PTPN11: variants seen among roughly 807,000 people sequenced by gnomAD.
PTPN11 encodes tyrosine-protein phosphatase non-receptor type 11.
A neutral mutation model predicts 78.8 loss-of-function variants in PTPN11; 6 were observed. The ratio of observed to expected loss-of-function variants is 0.08; its 90% CI spans 0.04 to 0.15. PTPN11 has a LOEUF of 0.15. Ranked by LOEUF, PTPN11 falls within the 10% of genes least tolerant of loss-of-function variation. The pLI is 1.00. For missense variants in PTPN11, 386 were observed against 744.8 expected, an observed-to-expected ratio of 0.52 and a Z score of 5.61; for synonymous variants, 221 against 263.5, an observed-to-expected ratio of 0.84 and a Z score of 1.56.
intron 10 of PTPN11, among the ~76,000 whole-genome samples, chr12:112,485,146 G>T (rs2038654253): frequency 6.6e-6 from 1 of 152,018 alleles, no homozygotes; most frequent in Admixed American, 6.6e-5. Context: ...CTACTCGGGA[G>T]TCGAGTCTGA....
chr12:112,424,010 C>G (rs922968728), intron 1 of PTPN11, among the ~76,000 whole-genome samples: 1 of 152,076 alleles, frequency 6.6e-6, no homozygotes. Context: ...CCTCGGCCTT[C>G]CAAAGTACTA....
rs533545376 is a variant in PTPN11, at chr12:112,443,778, T to C, written c.15-2498T>C. Among the ~76,000 whole-genome samples the C allele has an allele frequency of 5.3e-5, 8 of 151,436 alleles. No individual in the cohort carries two copies. The East Asian group carries it at 1.6e-3, about 29-fold the overall frequency. ...GGCGATCCTCCCACCTCAGCCTCCTTAGTAGCTGGGACTATAGGCACACAC... is the reference window on the plus strand; with the variant it reads ...GGCGATCCTCCCACCTCAGCCTCCTCAGTAGCTGGGACTATAGGCACACAC... On this transcript the variant is annotated intron_variant, in intron 1 of 15. Coordinates refer to ENST00000351677, the MANE Select transcript of PTPN11 (RefSeq NM_002834.5).
intron 10 of PTPN11, among the ~76,000 whole-genome samples, chr12:112,485,927 G>A (rs1369624886): frequency 6.6e-6 from 1 of 151,110 alleles, no homozygotes. Flanking sequence ...GTTGCAGTGA[G>A]CCAAGATCAC....
Position 112,504,288 on chromosome 12 carries a change from C to G in PTPN11, c.1713-407C>G, listed in dbSNP as rs1255142237. The stretch of plus-strand genomic sequence containing the variant: ...TCTGCTCACTGCAACCTCCATCTCC[C>G]GAGTTCAAGAGATTCTTCTGCCTCA... On this transcript the variant is annotated intron_variant, in intron 14 of 15. Transcript: ENST00000351677. The surrounding 1 kb of genome is among the most constrained non-coding windows in gnomAD (Gnocchi z 4.7). Among the ~76,000 whole-genome samples the G allele has an allele frequency of 6.6e-6, 1 of 152,164 alleles. No individual in the cohort carries two copies. The highest frequency in any genetic ancestry group is 1.9e-4 in the East Asian group (1 of 5,196).
intron 6 of PTPN11, among the ~76,000 whole-genome samples, chr12:112,462,712 T>A (rs1313047803): frequency 2.0e-5 from 3 of 152,222 alleles, no homozygotes; most frequent in Non-Finnish European, 4.4e-5. Flanking sequence ...CTTGCTTTTT[T>A]AAATATCCTG....
chr12:112,491,830 C>T (rs908736691), intron 13 of PTPN11, among the ~76,000 whole-genome samples: 4 of 152,114 alleles, frequency 2.6e-5, no homozygotes, highest in Non-Finnish European at 1.5e-5. Context: ...CTCAGCCTCT[C>T]GAGTAGCTGG....
Position 112,488,661 on chromosome 12 carries a change from C to T in PTPN11, c.1447+151C>T, listed in dbSNP as rs148778837. ...AGACTTCAGTGTGTCTGCCTGAGAACAGAAGTGACACTATTTGAGCTTTTG... is the reference window on the plus strand; with the variant it reads ...AGACTTCAGTGTGTCTGCCTGAGAATAGAAGTGACACTATTTGAGCTTTTG... On this transcript the variant is annotated intron_variant, in intron 12 of 15. Transcript: ENST00000351677. The T allele has an allele frequency of 4.7e-6, 4 of 850,012 alleles. No individual in the cohort carries two copies. In the East Asian group the frequency reaches 7.7e-5, roughly 16 times the overall value. 52.7% of individuals were successfully genotyped at this position (850,012 alleles called of 1,614,324 possible).
chr12:112,496,190 C>G (rs1009060515), intron 13 of PTPN11, among the ~76,000 whole-genome samples: 6 of 152,130 alleles, frequency 3.9e-5, no homozygotes, highest in African/African-American at 1.4e-4. Context: ...TTTTCTTGCT[C>G]AAATTGTTAC....
At chr12:112,419,232 C>T (rs1397373812) in intron 1 of PTPN11, 107 bp downstream of exon 1, 50 of 1,225,144 alleles carry the variant, frequency 4.1e-5, no homozygotes, top group Non-Finnish European at 5.0e-5. Flanking sequence ...GCTCCCGCCC[C>T]GGGTCGGGGT....
intron 13 of PTPN11, among the ~76,000 whole-genome samples, chr12:112,495,067 C>T (rs1393554430): frequency 6.6e-6 from 1 of 152,022 alleles, no homozygotes; most frequent in Non-Finnish European, 1.5e-5. Flanking sequence ...CCCATAAAGT[C>T]GAGGAGCATT....
At chr12:112,465,269 T>TA (rs1216712773) in intron 6 of PTPN11, among the ~76,000 whole-genome samples, 2 of 151,720 alleles carry the variant, frequency 1.3e-5, no homozygotes, top group Non-Finnish European at 2.9e-5. Context: ...CTGTTTCTAG[T>TA]AAAAAATACA....
chr12:112,441,296 C>T (rs760717937), intron 1 of PTPN11, among the ~76,000 whole-genome samples: 15 of 148,944 alleles, frequency 1.0e-4, no homozygotes, highest in Non-Finnish European at 1.5e-4. Flanking sequence ...AGGTCTTGCT[C>T]GATTGCCTAG....
chr12:112,499,363 TCTCACTCCATCTCAAGTC>T (rs1364226400), intron 13 of PTPN11, among the ~76,000 whole-genome samples: 1 of 151,776 alleles, frequency 6.6e-6, no homozygotes, highest in Non-Finnish European at 1.5e-5. Context: ...TGAGATGGAG[TCTCACTCCATCTCAAGTC>T]ACCCAGGCTG....
At chr12:112,476,285 A>G (rs886944896) in intron 7 of PTPN11, among the ~76,000 whole-genome samples, 1 of 152,208 alleles carries the variant, frequency 6.6e-6, no homozygotes, top group African/African-American at 2.4e-5. Flanking sequence ...TCATTTCCTT[A>G]AAGATGAGGA....
At chr12:112,497,440 G>A (rs2038827418) in intron 13 of PTPN11, among the ~76,000 whole-genome samples, 1 of 152,180 alleles carries the variant, frequency 6.6e-6, no homozygotes, top group Non-Finnish European at 1.5e-5. Context: ...AGCCATCGCT[G>A]TTGCCTCATG....
In PTPN11 at chr12:112,465,170, A is replaced by T. The variant is rs543846710; in HGVS notation, c.757-7774A>T. 1.6e-4 allele frequency among the ~76,000 whole-genome samples: 24 copies of T among 152,194 alleles called. No individual in the cohort carries two copies. The South Asian group carries it at 5.0e-3, about 32-fold the overall frequency. ...GCTTGGGCCGGGCGTGGTGGCTCAC[A>T]CCTGTAATCCCAGCAATTTGGGAGG... On this transcript the variant is annotated intron_variant, in intron 6 of 15. Transcript: ENST00000351677.
chr12:112,492,309 C>T (rs575052959), intron 13 of PTPN11, among the ~76,000 whole-genome samples: 8 of 151,904 alleles, frequency 5.3e-5, no homozygotes, highest in Non-Finnish European at 7.4e-5. Flanking sequence ...ATTTGTCCAC[C>T]GTAAAGTTAC....
intron 13 of PTPN11, 59 bp downstream of exon 13, chr12:112,489,234 G>A (rs577919260): frequency 1.1e-5 from 18 of 1,593,284 alleles, no homozygotes; most frequent in South Asian, 7.7e-5. Context: ...TCTTGGATAC[G>A]CTCTCCTTTT....
At chr12:112,489,549 C>T (rs145086909) in intron 13 of PTPN11, among the ~76,000 whole-genome samples, 63 of 152,266 alleles carry the variant, frequency 4.1e-4, no homozygotes, top group Middle Eastern at 3.4e-3. Context: ...TCCTTTAAAA[C>T]GAATGCCTCA....
Sources: allele counts gnomAD v4.1 joint callset (sites outside exome capture counted in the v4.1 genomes callset), GRCh38; gene constraint gnomAD v4.1.1; non-coding constraint Gnocchi (gnomAD v3.1); transcripts MANE v1.5; gene names NCBI Gene and HGNC (gene_info 2026-07-23, HGNC 2026-07-21).